Variants in RCAN2 observed in about 807,000 individuals in gnomAD.
The protein encoded by RCAN2 is calcipressin-2.
A neutral mutation model predicts 23.6 loss-of-function variants in RCAN2; 9 were observed. That is an observed-to-expected ratio of 0.38 (90% CI 0.23 to 0.67). RCAN2 has a LOEUF of 0.67. Ranked by LOEUF, RCAN2 falls within the 30% of genes least tolerant of loss-of-function variation. The probability of loss-of-function intolerance (pLI) is 0.51; values close to 1 mark genes in which losing one functional copy is unlikely to be tolerated. For synonymous variants in RCAN2, 109 were observed against 115.7 expected, an observed-to-expected ratio of 0.94 and a Z score of 0.37; for missense variants, 273 against 302.3, an observed-to-expected ratio of 0.90 and a Z score of 0.72.
chr6:46,407,595 G>C (rs1393170677), intron 2 of RCAN2, among the ~76,000 whole-genome samples: 3 of 152,208 alleles, frequency 2.0e-5, no homozygotes, highest in Admixed American at 6.5e-5. Flanking sequence ...TGGAAGGAGT[G>C]CATCTTGGAG....
At chr6:46,431,725 T>C (rs1195310238) in intron 2 of RCAN2, among the ~76,000 whole-genome samples, 2 of 152,216 alleles carry the variant, frequency 1.3e-5, no homozygotes, top group African/African-American at 4.8e-5. Context: ...CAACATTTAT[T>C]CAAAAGTTAA....
chr6:46,240,444 C>G (rs1663914799), intron 4 of RCAN2, among the ~76,000 whole-genome samples: 1 of 152,106 alleles, frequency 6.6e-6, no homozygotes, highest in Admixed American at 6.6e-5. Context: ...AGAAAAGCCT[C>G]TGAAAAAACC....
At chr6:46,428,672 C>G (rs963692890) in intron 2 of RCAN2, among the ~76,000 whole-genome samples, 1 of 152,170 alleles carries the variant, frequency 6.6e-6, no homozygotes, top group African/African-American at 2.4e-5. Context: ...TCTTTCCAAC[C>G]ATGAAGCTCA....
chr6:46,288,940 G>T (rs1179701235), intron 2 of RCAN2, among the ~76,000 whole-genome samples: 1 of 152,224 alleles, frequency 6.6e-6, no homozygotes, highest in Non-Finnish European at 1.5e-5. Context: ...TCAAGCTCGG[G>T]CTAGTTAATT....
At chr6:46,420,026 G>T (rs192889605) in intron 2 of RCAN2, among the ~76,000 whole-genome samples, 3 of 151,980 alleles carry the variant, frequency 2.0e-5, no homozygotes, top group Non-Finnish European at 2.9e-5. Context: ...TCAAATTCTC[G>T]CAGACAAGAC....
At chr6:46,244,265 G>T (rs546265121) in intron 4 of RCAN2, among the ~76,000 whole-genome samples, 2 of 152,078 alleles carry the variant, frequency 1.3e-5, no homozygotes, top group Non-Finnish European at 2.9e-5. Context: ...ATCCCCCATC[G>T]CCAACTGCTT....
chr6:46,386,117 C>G (rs1582159864), intron 2 of RCAN2, among the ~76,000 whole-genome samples: 1 of 152,018 alleles, frequency 6.6e-6, no homozygotes, highest in South Asian at 2.1e-4. Flanking sequence ...TTGCAATCTA[C>G]CCTTCTGACA....
intron 2 of RCAN2, among the ~76,000 whole-genome samples, chr6:46,390,625 ACTT>A (rs1765905885): frequency 6.6e-6 from 1 of 152,186 alleles, no homozygotes; most frequent in South Asian, 2.1e-4. Flanking sequence ...ACAAACTTTC[ACTT>A]CTTTACAAAA....
chr6:46,238,700 C>G (rs1379237343), intron 4 of RCAN2, among the ~76,000 whole-genome samples: 1 of 152,036 alleles, frequency 6.6e-6, no homozygotes, highest in African/African-American at 2.4e-5. Flanking sequence ...AGATGTGCAC[C>G]ACCACACCCA....
intron 2 of RCAN2, among the ~76,000 whole-genome samples, chr6:46,375,712 C>T (rs749214740): frequency 1.3e-5 from 2 of 152,154 alleles, no homozygotes; most frequent in African/African-American, 2.4e-5. Flanking sequence ...CCGTCTCTGT[C>T]GAACGATTCA....
At chr6:46,463,830 C>T (rs987878817) in intron 1 of RCAN2, among the ~76,000 whole-genome samples, 5 of 152,014 alleles carry the variant, frequency 3.3e-5, no homozygotes, top group Admixed American at 6.6e-5. Flanking sequence ...ATACAAAAAG[C>T]AACTTAAGTT....
intron 2 of RCAN2, among the ~76,000 whole-genome samples, chr6:46,448,215 A>G (rs1365154362): frequency 6.6e-6 from 1 of 151,854 alleles, no homozygotes; most frequent in Admixed American, 6.6e-5. Context: ...ATTATATGCC[A>G]ACAGTTGGAT....
chr6:46,460,163 A>T (rs1242150831), intron 1 of RCAN2, among the ~76,000 whole-genome samples: 1 of 151,988 alleles, frequency 6.6e-6, no homozygotes, highest in African/African-American at 2.4e-5. Flanking sequence ...GTTCAAAGTG[A>T]TCCTTCCACC....
At chr6:46,308,868 G>T (rs1484995930) in intron 2 of RCAN2, among the ~76,000 whole-genome samples, 9 of 152,252 alleles carry the variant, frequency 5.9e-5, no homozygotes. Flanking sequence ...TAAGGATTGA[G>T]GGCTCCATCA....
intron 4 of RCAN2, among the ~76,000 whole-genome samples, chr6:46,244,690 A>G (rs1766450196): frequency 6.6e-6 from 1 of 152,210 alleles, no homozygotes. Flanking sequence ...ACAGCATTGG[A>G]AGCTCTGGCA....
intron 2 of RCAN2, among the ~76,000 whole-genome samples, chr6:46,298,912 G>A (rs1335510033): frequency 1.3e-5 from 2 of 152,042 alleles, no homozygotes; most frequent in Non-Finnish European, 2.9e-5. Flanking sequence ...ATACCCCATG[G>A]AATACTATGC....
At chr6:46,280,375 C>A (rs1267441761) in intron 2 of RCAN2, among the ~76,000 whole-genome samples, 1 of 151,974 alleles carries the variant, frequency 6.6e-6, no homozygotes, top group Non-Finnish European at 1.5e-5. Context: ...ATTGGCACAC[C>A]AGAACATTGA....
At chr6:46,420,084 C>G (rs1766834122) in intron 2 of RCAN2, among the ~76,000 whole-genome samples, 1 of 151,846 alleles carries the variant, frequency 6.6e-6, no homozygotes, top group Non-Finnish European at 1.5e-5. Context: ...TTAATATTAT[C>G]CCTTCTACAA....
intron 2 of RCAN2, among the ~76,000 whole-genome samples, chr6:46,306,811 C>A (rs1763084971): frequency 6.6e-6 from 1 of 152,164 alleles, no homozygotes; most frequent in Non-Finnish European, 1.5e-5. Flanking sequence ...ATTCTAACTC[C>A]TGTCCCTAAT....
Sources: gnomAD v4.1 joint callset for allele counts (sites outside exome capture counted in the v4.1 genomes callset) on GRCh38, gnomAD v4.1.1 for gene constraint, MANE v1.5 for transcripts, NCBI Gene and HGNC (gene_info 2026-07-23, HGNC 2026-07-21) for gene names.